Variants in SAG observed in about 807,000 individuals in gnomAD.
SAG encodes S-arrestin.
A neutral mutation model predicts 55.0 loss-of-function variants in SAG; 45 were observed. The ratio of observed to expected loss-of-function variants is 0.82; its 90% CI spans 0.64 to 1.05. The LOEUF is 1.05. Among genes scored for constraint, SAG ranks in the 50% least tolerant of loss-of-function variants. The probability of loss-of-function intolerance (pLI) is 0.00; values close to 1 mark genes in which losing one functional copy is unlikely to be tolerated. For synonymous variants in SAG, 189 were observed against 197.4 expected (o/e 0.96, Z 0.36); for missense variants, 455 against 512.1 (o/e 0.89, Z 1.08).
intron 11 of SAG, among the ~76,000 whole-genome samples, chr2:233,338,326 G>A (rs1279486337): frequency 6.6e-6 from 1 of 152,264 alleles, no homozygotes; most frequent in East Asian, 1.9e-4. Flanking sequence ...GGCAAAGCCT[G>A]CTGGAGGACT....
chr2:233,328,325 G>T, intron 7 of SAG, 153 bp from the exon 8 acceptor site: 1 of 855,220 alleles, frequency 1.2e-6, no homozygotes, highest in Middle Eastern at 3.2e-4. Context: ...GCTGCCTCAG[G>T]CTCTGACCAG....
rs1402908119 is a variant in SAG, at chr2:233,307,978, C to G, written c.-73C>G. ...TCATCTCAGAGCATAGAGACCCTCT[C>G]CTTGCCACCCGGCCCTTCCCACCTG... On this transcript the variant is annotated 5_prime_UTR_variant, in exon 1 of 16. Transcript: ENST00000409110. 6.6e-6 allele frequency: 1 copy of G among 152,542 alleles called. No homozygotes were observed. 9.4% of individuals were successfully genotyped at this position (152,542 alleles called of 1,614,324 possible).
chr2:233,311,803 C>T (rs1427029266), intron 2 of SAG, among the ~76,000 whole-genome samples: 1 of 152,154 alleles, frequency 6.6e-6, no homozygotes, highest in Non-Finnish European at 1.5e-5. Context: ...TGCAGCCTCT[C>T]CTCTCTGCTA....
chr2:233,309,124 C>T (rs1700008542), intron 1 of SAG, 38 bp from the exon 2 acceptor site: 4 of 1,279,530 alleles, frequency 3.1e-6, no homozygotes, highest in Admixed American at 1.8e-5. Context: ...ATTGTCTTAC[C>T]TTTCTCCAAC....
chr2:233,312,546 C>T (rs10199833), intron 2 of SAG, among the ~76,000 whole-genome samples: 29,685 of 152,150 alleles, frequency 0.2, 4,534 homozygotes, highest in African/African-American at 0.43. Flanking sequence ...ATTTAGCTTT[C>T]CTAAATACTG....
At chr2:233,321,353 C>T (rs566902507) in intron 5 of SAG, among the ~76,000 whole-genome samples, 1 of 152,320 alleles carries the variant, frequency 6.6e-6, no homozygotes, top group Non-Finnish European at 1.5e-5. Flanking sequence ...TTGGGGGAAG[C>T]TACCATCTGC....
In SAG at chr2:233,335,085, T is replaced by A; in HGVS notation, c.930T>A (p.Leu310=). 1 of 1,613,724 alleles carries A rather than the reference T, an allele frequency of 6.2e-7. No individual in the cohort carries two copies. Among genetic ancestry groups the A allele is most frequent in the South Asian group, 1.1e-5 (1 of 91,072 alleles). Residue 310 remains leucine (L), a synonymous_variant, in exon 11 of 16, where the codon CTT becomes CTA. Transcript: ENST00000409110. Reference sequence around the variant, plus strand: ...AAATCAAGCACGAGGACACAAACCTTGCCTCCAGCACCATGTGAGTCCTCG... The same window carrying A: ...AAATCAAGCACGAGGACACAAACCTAGCCTCCAGCACCATGTGAGTCCTCG... ...DGKIKHEDTN[L]ASSTIIKEGI...
intron 11 of SAG, among the ~76,000 whole-genome samples, chr2:233,337,786 A>AT (rs1700985575): frequency 6.6e-6 from 1 of 151,782 alleles, no homozygotes; most frequent in Non-Finnish European, 1.5e-5. Flanking sequence ...TATTTACATG[A>AT]TTTTTGTTAG....
At chr2:233,330,918 T>C (rs993089287) in intron 9 of SAG, among the ~76,000 whole-genome samples, 2 of 151,928 alleles carry the variant, frequency 1.3e-5, no homozygotes, top group Non-Finnish European at 2.9e-5. Context: ...TGTTTCTTTA[T>C]CCTCAAACTT....
At chr2:233,313,198 G>A (rs1318650110) in intron 2 of SAG, among the ~76,000 whole-genome samples, 1 of 152,210 alleles carries the variant, frequency 6.6e-6, no homozygotes, top group African/African-American at 2.4e-5. Flanking sequence ...GATGGGGACC[G>A]TGAGGTGTCC....
At chr2:233,331,152 A>C (rs1016568702) in intron 9 of SAG, among the ~76,000 whole-genome samples, 6 of 152,144 alleles carry the variant, frequency 3.9e-5, no homozygotes, top group African/African-American at 1.4e-4. Context: ...CCCCCATTTT[A>C]CTGATGGGGA....
chr2:233,322,607 C>T (rs1466141861), intron 5 of SAG, among the ~76,000 whole-genome samples: 1 of 152,126 alleles, frequency 6.6e-6, no homozygotes, highest in South Asian at 2.1e-4. Flanking sequence ...TTGACACCAG[C>T]CTGGGCAACA....
intron 11 of SAG, among the ~76,000 whole-genome samples, chr2:233,336,526 AAACC>A (rs1700935552): frequency 6.6e-6 from 1 of 151,958 alleles, no homozygotes; most frequent in South Asian, 2.1e-4. Flanking sequence ...AAAAAAAAAA[AAACC>A]AACCAACAAA....
chr2:233,338,437 T>C, intron 11 of SAG: 1 of 543,996 alleles, frequency 1.8e-6, no homozygotes, highest in Non-Finnish European at 3.3e-6. Flanking sequence ...GGGGGTTGCA[T>C]GCTCTGCCCT....
intron 4 of SAG, chr2:233,320,163 G>C (rs1404986631): frequency 5.0e-6 from 1 of 200,266 alleles, no homozygotes; most frequent in Non-Finnish European, 9.0e-6. Flanking sequence ...GAGCCTTCAG[G>C]CTCCTCACTC....
At chr2:233,317,231 A>G (rs1242655637) in intron 3 of SAG, among the ~76,000 whole-genome samples, 1 of 152,254 alleles carries the variant, frequency 6.6e-6, no homozygotes, top group Non-Finnish European at 1.5e-5. Context: ...CACTTATCTC[A>G]GAGAAATGAA....
rs746958383 is a variant in SAG, at chr2:233,318,990, A to G, written c.181+195A>G. 6.1e-5 allele frequency: 44 copies of G among 717,752 alleles called. 1 individual carries two copies. The highest frequency in any genetic ancestry group is 2.3e-4 in the Middle Eastern group (1 of 4,366). 44.5% of individuals were successfully genotyped at this position (717,752 alleles called of 1,614,324 possible). A position where few individuals can be genotyped will look rare whatever the true frequency, so the allele number is the denominator to read the frequency against. On this transcript the variant is annotated intron_variant, in intron 4 of 15. Transcript: ENST00000409110. ...ACGTGACATAGGTCCTGTTGACACCAGAGCTCACTCGCTCAGCAAAGTCAT... is the reference window on the plus strand; with the variant it reads ...ACGTGACATAGGTCCTGTTGACACCGGAGCTCACTCGCTCAGCAAAGTCAT...
intron 6 of SAG, among the ~76,000 whole-genome samples, chr2:233,324,968 G>C (rs143894688): frequency 6.6e-6 from 1 of 152,174 alleles, no homozygotes; most frequent in African/African-American, 2.4e-5. Flanking sequence ...GCTCATGCCT[G>C]TAATCCCAGC....
intron 12 of SAG, among the ~76,000 whole-genome samples, chr2:233,339,153 G>A (rs868261819): frequency 6.6e-6 from 1 of 152,178 alleles, no homozygotes; most frequent in Admixed American, 6.5e-5. Flanking sequence ...CCATAAAGTG[G>A]GGACTTTCCC....
Sources: gnomAD v4.1 joint callset for allele counts (sites outside exome capture counted in the v4.1 genomes callset) on GRCh38, gnomAD v4.1.1 for gene constraint, MANE v1.5 for transcripts, NCBI Gene and HGNC (gene_info 2026-07-23, HGNC 2026-07-21) for gene names.